The following PLCL1 variants were observed in gnomAD, a reference collection of about 807,000 sequenced individuals.
The protein encoded by PLCL1 is phospholipase C like 1 (inactive), also known as inactive phospholipase C-like protein 1.
Under a neutral mutation model 84.4 loss-of-function variants are expected in PLCL1, and 41 were observed. That is an observed-to-expected ratio of 0.49 (90% CI 0.38 to 0.63). PLCL1 has a LOEUF of 0.63. PLCL1 is among the 30% of genes least tolerant of loss of function. The pLI is 0.00. For synonymous variants in PLCL1, 490 were observed against 488.3 expected (o/e 1.00, Z -0.05); for missense variants, 1,206 against 1,367.8 (o/e 0.88, Z 1.87).
intron 1 of PLCL1, among the ~76,000 whole-genome samples, chr2:197,953,587 C>G (rs1197313694): frequency 1.3e-5 from 2 of 151,986 alleles, no homozygotes; most frequent in African/African-American, 4.8e-5. Context: ...GATTGAGAAC[C>G]TGTGATTCTG....
Position 198,014,432 on chromosome 2 carries a change from A to G in PLCL1, c.241-69326A>G, listed in dbSNP as rs10931798. 8.5e-4 allele frequency among the ~76,000 whole-genome samples: 129 copies of G among 152,220 alleles called. 2 individuals carry two copies. In the East Asian group the frequency reaches 0.022, roughly 26 times the overall value. The stretch of plus-strand genomic sequence containing the variant: ...TTTCCTCATCTGTAAAGTGAGCACA[A>G]TGGTAGGACCACAATTTAATTGATT... On this transcript the variant is annotated intron_variant, in intron 1 of 5. Transcript: ENST00000428675.
intron 1 of PLCL1, among the ~76,000 whole-genome samples, chr2:197,846,612 C>T (rs1574910140): frequency 1.3e-5 from 2 of 152,152 alleles, no homozygotes; most frequent in Admixed American, 1.3e-4. Flanking sequence ...TCCCCTAAAC[C>T]TCAAGAAGCT....
At position 197,935,515 on chromosome 2, in the gene PLCL1, A is replaced by G. The variant is rs533020784; in HGVS notation, c.240+130176A>G. ...ATCCTAAGTGAACTAATGCAGGAAC[A>G]TAAAACCAAATACTGCATATTCTCA... On this transcript the variant is annotated intron_variant, in intron 1 of 5. Coordinates refer to ENST00000428675, the MANE Select transcript of PLCL1 (RefSeq NM_006226.4). Among the ~76,000 whole-genome samples the G allele has an allele frequency of 3.9e-5, 6 of 152,336 alleles. No individual in the cohort carries two copies. The East Asian group carries it at 1.2e-3, about 29-fold the overall frequency.
intron 5 of PLCL1, among the ~76,000 whole-genome samples, chr2:198,145,067 G>T (rs945307251): frequency 6.6e-6 from 1 of 152,170 alleles, no homozygotes; most frequent in African/African-American, 2.4e-5. Flanking sequence ...ATGATTGAAT[G>T]AACATGTATA....
chr2:197,907,571 A>C (rs945586736), intron 1 of PLCL1, among the ~76,000 whole-genome samples: 2 of 152,174 alleles, frequency 1.3e-5, no homozygotes, highest in Non-Finnish European at 2.9e-5. Context: ...TTACTTTGGG[A>C]AGTAATTGGT....
At chr2:198,080,018 C>A (rs1692672578) in intron 1 of PLCL1, among the ~76,000 whole-genome samples, 1 of 152,156 alleles carries the variant, frequency 6.6e-6, no homozygotes, top group South Asian at 2.1e-4. Flanking sequence ...CAGCCTCTTG[C>A]CTTCATTCTC....
chr2:198,117,960 T>A (rs888303472), intron 5 of PLCL1, among the ~76,000 whole-genome samples: 2 of 151,918 alleles, frequency 1.3e-5, no homozygotes, highest in African/African-American at 4.8e-5. Context: ...ATTATATGTA[T>A]GCATAGTGTG....
intron 1 of PLCL1, among the ~76,000 whole-genome samples, chr2:197,851,808 G>T (rs192941258): frequency 6.6e-6 from 1 of 152,302 alleles, no homozygotes; most frequent in Admixed American, 6.5e-5. Context: ...ACCCCAACAA[G>T]ATGAAATAGA....
intron 1 of PLCL1, among the ~76,000 whole-genome samples, chr2:198,013,124 G>A (rs909381297): frequency 2.6e-5 from 4 of 151,930 alleles, no homozygotes; most frequent in African/African-American, 7.3e-5. Flanking sequence ...AATTTTTCTA[G>A]CAGGCTTTGA....
chr2:197,991,204 C>CT (rs1005064787), intron 1 of PLCL1, among the ~76,000 whole-genome samples: 32 of 152,272 alleles, frequency 2.1e-4, no homozygotes, highest in African/African-American at 7.7e-4. Flanking sequence ...TTCGTGCCTT[C>CT]TTGCTTGAGT....
At chr2:197,815,424 A>G (rs532604480) in intron 1 of PLCL1, among the ~76,000 whole-genome samples, 35 of 152,324 alleles carry the variant, frequency 2.3e-4, no homozygotes, top group Middle Eastern at 3.4e-3. Flanking sequence ...TGGACAATGC[A>G]CCTGGTCACC....
chr2:198,038,820 T>G (rs1691598554), intron 1 of PLCL1, among the ~76,000 whole-genome samples: 1 of 146,910 alleles, frequency 6.8e-6, no homozygotes, highest in African/African-American at 2.5e-5. Flanking sequence ...GGGAAAATAC[T>G]GTCTTGATCC....
intron 1 of PLCL1, among the ~76,000 whole-genome samples, chr2:198,073,391 T>C (rs1181604294): frequency 1.3e-5 from 2 of 152,148 alleles, no homozygotes; most frequent in African/African-American, 4.8e-5. Context: ...GATGCTGATG[T>C]TCAGTTAATC....
intron 5 of PLCL1, among the ~76,000 whole-genome samples, chr2:198,105,038 A>G (rs1047468960): frequency 2.0e-5 from 3 of 151,854 alleles, no homozygotes; most frequent in Non-Finnish European, 2.9e-5. Flanking sequence ...CCCACTGTCA[A>G]TTTTTGTTTT....
At chr2:197,975,496 T>C (rs1689961580) in intron 1 of PLCL1, among the ~76,000 whole-genome samples, 1 of 152,136 alleles carries the variant, frequency 6.6e-6, no homozygotes, top group Non-Finnish European at 1.5e-5. Flanking sequence ...CAATTGGCTA[T>C]CATCTACATT....
intron 1 of PLCL1, among the ~76,000 whole-genome samples, chr2:197,878,629 C>G (rs192194890): frequency 3.3e-5 from 5 of 152,024 alleles, no homozygotes; most frequent in East Asian, 1.9e-4. Context: ...CTGTGGAAAA[C>G]TGTGTGTGTG....
At chr2:197,916,028 T>G (rs1688593030) in intron 1 of PLCL1, among the ~76,000 whole-genome samples, 1 of 152,248 alleles carries the variant, frequency 6.6e-6, no homozygotes, top group Non-Finnish European at 1.5e-5. Flanking sequence ...ATATTAGTGC[T>G]GCAACTTGGA....
intron 1 of PLCL1, among the ~76,000 whole-genome samples, chr2:197,991,571 G>A (rs1183262947): frequency 1.3e-5 from 2 of 152,050 alleles, no homozygotes; most frequent in Admixed American, 6.6e-5. Flanking sequence ...ACTTATTATT[G>A]TTCTGGTTTG....
At chr2:198,137,238 C>T (rs1044731573) in intron 5 of PLCL1, among the ~76,000 whole-genome samples, 3 of 152,152 alleles carry the variant, frequency 2.0e-5, no homozygotes, top group African/African-American at 7.2e-5. Context: ...ACTTATTTCT[C>T]GTGTGAACCT....
Sources: gnomAD v4.1 joint callset for allele counts (sites outside exome capture counted in the v4.1 genomes callset) on GRCh38, gnomAD v4.1.1 for gene constraint, MANE v1.5 for transcripts, NCBI Gene and HGNC (gene_info 2026-07-23, HGNC 2026-07-21) for gene names.